Variants in CCDC15 observed in about 807,000 individuals in gnomAD.
CCDC15 encodes the protein coiled-coil domain-containing protein 15.
In CCDC15, 105 loss-of-function variants were observed where a neutral mutation model predicts 114.5. The observed-to-expected ratio is 0.92, with a 90% CI of 0.78 to 1.08. The LOEUF (loss-of-function observed/expected upper bound fraction) is 1.08, where lower values mean the gene tolerates loss of function less well. Among genes scored for constraint, CCDC15 ranks in the 50% least tolerant of loss-of-function variants. The probability of loss-of-function intolerance (pLI) is 0.00; values close to 1 mark genes in which losing one functional copy is unlikely to be tolerated. For synonymous variants in CCDC15, 334 were observed against 377.8 expected, an observed-to-expected ratio of 0.88 and a Z score of 1.34; for missense variants, 1,105 against 1,093.6, an observed-to-expected ratio of 1.01 and a Z score of -0.15.
intron 2 of CCDC15, among the ~76,000 whole-genome samples, chr11:124,956,576 A>G (rs1190716463): frequency 6.6e-6 from 1 of 152,226 alleles, no homozygotes; most frequent in African/African-American, 2.4e-5. Flanking sequence ...TTACATCTGT[A>G]TAATATCAGT....
chr11:124,968,529 G>A (rs1356343328), intron 4 of CCDC15, among the ~76,000 whole-genome samples: 1 of 152,126 alleles, frequency 6.6e-6, no homozygotes, highest in African/African-American at 2.4e-5. Context: ...GTATTAGGGC[G>A]GGAGTGTCCC....
Position 125,005,119 on chromosome 11 carries a change from A to G in CCDC15, c.2318A>G (p.Gln773Arg), listed in dbSNP as rs898794078. Residue 773 changes from glutamine (Q) to arginine (R), a missense_variant, in exon 13 of 16, where the codon CAG (glutamine) becomes CGG (arginine). Gln to Arg is a conservative substitution (Grantham distance 43). Coordinates refer to ENST00000344762, the MANE Select transcript of CCDC15 (RefSeq NM_025004.3). ...KEEDKKERQK[Q>R]YLRHRRLFMD... The stretch of plus-strand genomic sequence containing the variant: ...ACTTCTTACCTTTAGCGTCAAAAGC[A>G]GTACCTGAGACATAGACGACTTTTC... 1.9e-5 allele frequency: 28 copies of G among 1,497,348 alleles called. No individual in the cohort carries two copies. Among genetic ancestry groups the G allele is most frequent in the Non-Finnish European group, 2.5e-5 (28 of 1,102,888 alleles). 92.8% of individuals were successfully genotyped at this position (1,497,348 alleles called of 1,614,324 possible). A position where few individuals can be genotyped will look rare whatever the true frequency, so the allele number is the denominator to read the frequency against.
intron 13 of CCDC15, among the ~76,000 whole-genome samples, chr11:125,033,198 A>AT (rs1948752999): frequency 6.6e-6 from 1 of 152,086 alleles, no homozygotes; most frequent in Admixed American, 6.5e-5. Flanking sequence ...TTGACCTGGA[A>AT]TTTTTCTGCT....
chr11:124,992,682 G>T lies in CCDC15; in HGVS notation c.2134G>T (p.Glu712Ter), dbSNP rs1463942505. The change falls in exon 10 of 16, where the codon GAA becomes TAA. Residue 712 changes from glutamate to a stop codon, truncating the protein, a stop_gained. Transcript: ENST00000344762. LOFTEE classifies it high-confidence loss of function. ...AATCCAGGACCAAGACTCCCCTAGA[G>T]AACAGGTAGAACCGAATACAGTAGG... is the stretch of plus-strand genomic sequence containing the variant. ...PKIQDQDSPR[E>*]QNKHIKLPSS... 6.5e-7 allele frequency: 1 copy of T among 1,536,264 alleles called. No homozygotes were observed. Among genetic ancestry groups the T allele is most frequent in the Non-Finnish European group, 8.9e-7 (1 of 1,121,040 alleles).
At chr11:125,016,438 T>C (rs1200623239) in intron 13 of CCDC15, among the ~76,000 whole-genome samples, 2 of 152,220 alleles carry the variant, frequency 1.3e-5, no homozygotes, top group Non-Finnish European at 2.9e-5. Flanking sequence ...AGTGTGACTT[T>C]TAAGCAGAAT....
In CCDC15 at chr11:124,954,807, C is replaced by G. The variant is rs1232965087; in HGVS notation, c.75C>G (p.Ser25Arg). The G allele has an allele frequency of 6.2e-7, 1 of 1,613,892 alleles. No homozygotes were observed. The highest frequency in any genetic ancestry group is 8.5e-7 in the Non-Finnish European group (1 of 1,179,896). ...RLPLALNPLKSKDVLAVLAER... is the reference protein window; with the variant it reads ...RLPLALNPLKRKDVLAVLAER... ...CCCTGGCTTTAAACCCCCTGAAGAG[C>G]AAGGACGTGTTGGCAGTGCTGGCTG... Residue 25 changes from serine to arginine, a missense_variant, in exon 2 of 16, where the codon AGC becomes AGG. Ser to Arg is a moderately radical substitution (Grantham distance 110). Transcript: ENST00000344762.
intron 13 of CCDC15, among the ~76,000 whole-genome samples, chr11:125,031,228 CG>C (rs1200726901): frequency 4.6e-5 from 7 of 152,234 alleles, no homozygotes; most frequent in African/African-American, 1.2e-4. Context: ...TGTCCACTTT[CG>C]GGTGATGCCT....
At chr11:125,006,045 G>A in intron 13 of CCDC15, among the ~76,000 whole-genome samples, 1 of 152,092 alleles carries the variant, frequency 6.6e-6, no homozygotes, top group Non-Finnish European at 1.5e-5. Flanking sequence ...AGTTTTTGTG[G>A]GGGCATACAT....
At chr11:125,021,953 T>C (rs897968715) in intron 13 of CCDC15, among the ~76,000 whole-genome samples, 1 of 151,920 alleles carries the variant, frequency 6.6e-6, no homozygotes, top group African/African-American at 2.4e-5. Flanking sequence ...ATCATTTACT[T>C]TTTTTACAAG....
intron 13 of CCDC15, among the ~76,000 whole-genome samples, chr11:125,026,259 A>T (rs1948701990): frequency 6.6e-6 from 1 of 152,180 alleles, no homozygotes; most frequent in African/African-American, 2.4e-5. Context: ...TGGATGGACG[A>T]TTCCCCTCTG....
Position 125,030,578 on chromosome 11 carries a change from C to A in CCDC15, c.2412-7853C>A, listed in dbSNP as rs886964992. Among the ~76,000 whole-genome samples the A allele has an allele frequency of 2.6e-5, 4 of 152,308 alleles. No homozygotes were observed. In the East Asian group the frequency reaches 5.8e-4, roughly 22 times the overall value. ...AGTGAGGACAAACCTCTGCCCTTTA[C>A]ATGATGGAAGAAGTCCAGTATAATC... is the stretch of plus-strand genomic sequence containing the variant. On this transcript the variant is annotated intron_variant, in intron 13 of 15. Coordinates refer to ENST00000344762, the MANE Select transcript of CCDC15 (RefSeq NM_025004.3).
intron 13 of CCDC15, among the ~76,000 whole-genome samples, chr11:125,026,603 G>A (rs1290324612): frequency 6.6e-6 from 1 of 152,176 alleles, no homozygotes; most frequent in Non-Finnish European, 1.5e-5. Flanking sequence ...AGGATGATTG[G>A]TGGAGGCTTC....
In CCDC15 at chr11:124,978,901, G is replaced by A. The variant is rs141156327; in HGVS notation, c.753+1301G>A. Among the ~76,000 whole-genome samples the A allele has an allele frequency of 3.4e-3, 509 of 151,726 alleles. 2 individuals carry two copies. Among genetic ancestry groups the A allele is most frequent in the African/African-American group, 0.012 (481 of 41,406 alleles). ...CTATGTCCAGATTGATATTTCCTATGTTATCTTCTAGTGTTTTTTATGCTT... is the reference window on the plus strand; with the variant it reads ...CTATGTCCAGATTGATATTTCCTATATTATCTTCTAGTGTTTTTTATGCTT... On this transcript the variant is annotated intron_variant, in intron 6 of 15. Transcript: ENST00000344762.
chr11:124,968,606 A>G (rs933916340), intron 4 of CCDC15, among the ~76,000 whole-genome samples: 2 of 152,028 alleles, frequency 1.3e-5, no homozygotes, highest in Non-Finnish European at 2.9e-5. Flanking sequence ...GACTGCTTGC[A>G]CTTCCTGGGT....
At chr11:124,959,003 G>A in intron 2 of CCDC15, 112 bp from the exon 3 acceptor site, 1 of 644,134 alleles carries the variant, frequency 1.6e-6, no homozygotes, top group Non-Finnish European at 2.4e-6. Flanking sequence ...GTACAGAATG[G>A]AATTATTTTT....
At chr11:124,996,537 G>A in intron 11 of CCDC15, among the ~76,000 whole-genome samples, 1 of 152,202 alleles carries the variant, frequency 6.6e-6, no homozygotes, top group African/African-American at 2.4e-5. Context: ...TAAAAATTGT[G>A]ATAAAATATA....
chr11:125,030,190 A>AAT (rs1948728617), intron 13 of CCDC15, among the ~76,000 whole-genome samples: 1 of 152,142 alleles, frequency 6.6e-6, no homozygotes. Flanking sequence ...TGGACTTGTG[A>AAT]ATCCTGGCTA....
At chr11:124,988,257 A>G (rs983327840) in intron 8 of CCDC15, 123 bp downstream of exon 8, 1 of 991,888 alleles carries the variant, frequency 1.0e-6, no homozygotes. Flanking sequence ...GGCCATTGCA[A>G]TAAAGCAAAT....
At chr11:124,977,448 T>C (rs1049671154) in intron 5 of CCDC15, 30 bp from the exon 6 acceptor site, 6 of 1,548,942 alleles carry the variant, frequency 3.9e-6, no homozygotes, top group Non-Finnish European at 5.2e-6. Flanking sequence ...CCTCTAGACC[T>C]ATTTATATTT....
Sources: gnomAD v4.1 joint callset for allele counts (sites outside exome capture counted in the v4.1 genomes callset) on GRCh38, gnomAD v4.1.1 for gene constraint, MANE v1.5 for transcripts, NCBI Gene and HGNC (gene_info 2026-07-23, HGNC 2026-07-21) for gene names.